FHIT: variants seen among roughly 807,000 people sequenced by gnomAD.
FHIT encodes bis(5'-adenosyl)-triphosphatase.
A neutral mutation model predicts 17.9 loss-of-function variants in FHIT; 19 were observed. The observed-to-expected ratio is 1.06, with a 90% CI of 0.74 to 1.56. The LOEUF (loss-of-function observed/expected upper bound fraction) is 1.56. FHIT is among the 40% of genes most tolerant of loss of function. The pLI is 0.00. For synonymous variants in FHIT, 81 were observed against 69.7 expected (o/e 1.16, Z -0.81); for missense variants, 248 against 189.2 (o/e 1.31, Z -1.82).
intron 5 of FHIT, among the ~76,000 whole-genome samples, chr3:60,510,030 A>G (rs887283134): frequency 6.6e-6 from 1 of 152,194 alleles, no homozygotes; most frequent in African/African-American, 2.4e-5. Context: ...CGCCCATCCC[A>G]GAGTTACTAG....
intron 4 of FHIT, among the ~76,000 whole-genome samples, chr3:60,647,694 C>A (rs1341210944): frequency 6.6e-6 from 1 of 152,206 alleles, no homozygotes; most frequent in East Asian, 1.9e-4. Context: ...CTCTTCAAGA[C>A]TCCCAGAAAC....
intron 4 of FHIT, among the ~76,000 whole-genome samples, chr3:60,694,826 ACAC>A (rs1553700240): frequency 6.6e-6 from 1 of 151,998 alleles, no homozygotes; most frequent in Non-Finnish European, 1.5e-5. Flanking sequence ...AAAAAACCAA[ACAC>A]CACATGTTCT....
chr3:60,613,591 T>C (rs1254502637), intron 4 of FHIT, among the ~76,000 whole-genome samples: 1 of 152,150 alleles, frequency 6.6e-6, no homozygotes, highest in Non-Finnish European at 1.5e-5. Context: ...CTCCTTCCTA[T>C]ATGCTCCATT....
At chr3:61,250,699 CTAAAAA>C (rs904327320) in intron 1 of FHIT, among the ~76,000 whole-genome samples, 1 of 151,920 alleles carries the variant, frequency 6.6e-6, no homozygotes, top group African/African-American at 2.4e-5. Context: ...CCCTTTGACG[CTAAAAA>C]TAAAAACAAC....
chr3:60,207,316 C>A (rs1249880706), intron 5 of FHIT, among the ~76,000 whole-genome samples: 1 of 151,950 alleles, frequency 6.6e-6, no homozygotes, highest in Non-Finnish European at 1.5e-5. Flanking sequence ...TATAAGACAG[C>A]CATCTCAACA....
In FHIT at chr3:60,957,281, A is replaced by G. The variant is rs1709214699; in HGVS notation, c.-111+84766T>C. Among the ~76,000 whole-genome samples the G allele has an allele frequency of 5.7e-5, 7 of 123,176 alleles. No homozygotes were observed. The Admixed American group carries it at 7.9e-4, about 14-fold the overall frequency. The allele number at this position is 123,176 out of a possible 152,430, so 80.8% of individuals were successfully genotyped here. A position where few individuals can be genotyped will look rare whatever the true frequency, so the allele number is the denominator to read the frequency against. Reference sequence around the variant, plus strand: ...GAGACAGAATCTCACTTTGTTGCTCAGGCTGGAGTGCAGTGGCGCGATCTC... The same window carrying G: ...GAGACAGAATCTCACTTTGTTGCTCGGGCTGGAGTGCAGTGGCGCGATCTC... On this transcript the variant is annotated intron_variant, in intron 3 of 9. Coordinates refer to ENST00000492590, the MANE Select transcript of FHIT (RefSeq NM_002012.4).
intron 3 of FHIT, among the ~76,000 whole-genome samples, chr3:60,842,646 T>TATATATATATATATATA (rs1491100730): frequency 1.9e-3 from 154 of 80,168 alleles, no homozygotes; most frequent in African/African-American, 7.5e-3. Context: ...TATATATATA[T>TATATATATATATATATA]TTTTTTTTTT....
chr3:61,151,627 G>T (rs1488978391), intron 2 of FHIT, among the ~76,000 whole-genome samples: 1 of 147,134 alleles, frequency 6.8e-6, no homozygotes, highest in Non-Finnish European at 1.5e-5. Context: ...AGGCTGGAGT[G>T]CAGTGACGTG....
At chr3:61,246,596 C>T (rs1430450829) in intron 1 of FHIT, among the ~76,000 whole-genome samples, 1 of 151,936 alleles carries the variant, frequency 6.6e-6, no homozygotes, top group African/African-American at 2.4e-5. Flanking sequence ...AACACAGGAA[C>T]AGAAAAGCAA....
chr3:60,303,545 G>T (rs369778199), intron 5 of FHIT, among the ~76,000 whole-genome samples: 3 of 152,292 alleles, frequency 2.0e-5, no homozygotes, highest in East Asian at 1.9e-4. Flanking sequence ...CTTCAGTGCA[G>T]CTGGACAGGG....
At chr3:59,986,540 T>TATATACAC (rs1473518719) in intron 7 of FHIT, among the ~76,000 whole-genome samples, 2 of 12,456 alleles carry the variant, frequency 1.6e-4, no homozygotes, top group African/African-American at 7.1e-4. Flanking sequence ...TATATATATA[T>TATATACAC]ACACACACAC....
intron 2 of FHIT, among the ~76,000 whole-genome samples, chr3:61,076,930 G>A (rs2034990102): frequency 6.6e-6 from 1 of 152,132 alleles, no homozygotes; most frequent in South Asian, 2.1e-4. Flanking sequence ...GCACATACAA[G>A]GAACATAGTA....
intron 5 of FHIT, among the ~76,000 whole-genome samples, chr3:60,021,586 A>G (rs1300739134): frequency 1.3e-5 from 2 of 152,230 alleles, no homozygotes; most frequent in Non-Finnish European, 2.9e-5. Context: ...AACAATATAT[A>G]ACATTTGTTT....
chr3:60,877,612 G>A (rs1704730187), intron 3 of FHIT, among the ~76,000 whole-genome samples: 2 of 152,162 alleles, frequency 1.3e-5, no homozygotes, highest in South Asian at 4.1e-4. Flanking sequence ...TCATGCCTGA[G>A]TTAAAGTGTC....
At chr3:60,568,976 TTC>T (rs559172257) in intron 4 of FHIT, among the ~76,000 whole-genome samples, 7 of 51,164 alleles carry the variant, frequency 1.4e-4, no homozygotes, top group African/African-American at 2.6e-4. Context: ...ATGCTAGAGA[TTC>T]TTTTTTTTTT....
chr3:60,250,879 A>G (rs1250707143), intron 5 of FHIT, among the ~76,000 whole-genome samples: 7 of 152,168 alleles, frequency 4.6e-5, no homozygotes, highest in Admixed American at 4.6e-4. Flanking sequence ...CTGCTTCAAC[A>G]AGATTTTTTA....
chr3:61,246,872 A>C (rs73098998), intron 1 of FHIT, among the ~76,000 whole-genome samples: 14,685 of 152,088 alleles, frequency 0.097, 768 homozygotes, highest in Admixed American at 0.11. Context: ...TTTTAAAAAA[A>C]TTTAAAAAAA....
chr3:60,580,123 C>T (rs2037705110), intron 4 of FHIT, among the ~76,000 whole-genome samples: 1 of 152,136 alleles, frequency 6.6e-6, no homozygotes. Flanking sequence ...ATATGCTATC[C>T]TGAGGCTCGT....
intron 2 of FHIT, among the ~76,000 whole-genome samples, chr3:61,195,961 C>T (rs916169571): frequency 6.6e-6 from 1 of 151,958 alleles, no homozygotes; most frequent in Non-Finnish European, 1.5e-5. Context: ...GAAAACATAA[C>T]AAATACCATT....
Sources: allele counts gnomAD v4.1 joint callset (sites outside exome capture counted in the v4.1 genomes callset), GRCh38; gene constraint gnomAD v4.1.1; transcripts MANE v1.5; gene names NCBI Gene and HGNC (gene_info 2026-07-23, HGNC 2026-07-21).